MAMDC2: variants seen among roughly 807,000 people sequenced by gnomAD.
MAMDC2 encodes the protein MAM domain containing 2.
Under a neutral mutation model 89.8 loss-of-function variants are expected in MAMDC2, and 57 were observed. That is an observed-to-expected ratio of 0.63 (90% confidence interval 0.51 to 0.79). The LOEUF (loss-of-function observed/expected upper bound fraction) is 0.79, where lower values mean the gene tolerates loss of function less well. MAMDC2 is among the 30% of genes least tolerant of loss of function. MAMDC2 has a pLI of 0.00. For missense variants in MAMDC2, 800 were observed against 820.6 expected, an observed-to-expected ratio of 0.97 and a Z score of 0.31; for synonymous variants, 313 against 293.4, an observed-to-expected ratio of 1.07 and a Z score of -0.68.
At chr9:70,221,380 T>TAG (rs58804811) in intron 12 of MAMDC2, among the ~76,000 whole-genome samples, 595 of 7,060 alleles carry the variant, frequency 0.084, 143 homozygotes, top group African/African-American at 0.24. Context: ...TATATATATA[T>TAG]AGAGAGAGAG....
Position 70,220,685 on chromosome 9 carries a change from T to G in MAMDC2, c.1911+2089T>G, listed in dbSNP as rs186805638. ...TAAGTGGCTGAATGAGAACCAGATCTGCATGGTTCCAAAGTTTGTATCCCT... is the reference window on the plus strand; with the variant it reads ...TAAGTGGCTGAATGAGAACCAGATCGGCATGGTTCCAAAGTTTGTATCCCT... On this transcript the variant is annotated intron_variant, in intron 12 of 13. Transcript: ENST00000377182. Among the ~76,000 whole-genome samples the G allele has an allele frequency of 4.6e-5, 7 of 152,334 alleles. No individual in the cohort carries two copies. In the East Asian group the frequency reaches 1.4e-3, roughly 29 times the overall value.
intron 5 of MAMDC2, among the ~76,000 whole-genome samples, chr9:70,122,945 C>T (rs1364549588): frequency 2.0e-5 from 3 of 152,080 alleles, no homozygotes; most frequent in Admixed American, 1.3e-4. Context: ...TGCTTGGTCA[C>T]TGCCTGGGAG....
rs1204917417 is a variant in MAMDC2, at chr9:70,094,722, C to G, written c.149-13489C>G. Among the ~76,000 whole-genome samples the G allele has an allele frequency of 2.0e-5, 3 of 152,118 alleles. 1 individual carries two copies. In the East Asian group the frequency reaches 5.8e-4, roughly 29 times the overall value. ...TATTTAAAAATATAGAAAGCACATA[C>G]TAGGAGACAGGCAGATATAGTGGGT... On this transcript the variant is annotated intron_variant, in intron 2 of 13. Transcript: ENST00000377182.
intron 2 of MAMDC2, among the ~76,000 whole-genome samples, chr9:70,095,234 G>C (rs997027545): frequency 5.9e-5 from 9 of 152,174 alleles, no homozygotes; most frequent in Admixed American, 4.6e-4. Flanking sequence ...GGACAATGGG[G>C]ACCCCCTTCA....
chr9:70,144,401 A>T (rs1020395972), intron 9 of MAMDC2, among the ~76,000 whole-genome samples: 1 of 152,196 alleles, frequency 6.6e-6, no homozygotes, highest in Admixed American at 6.5e-5. Flanking sequence ...ATAAAAAGAG[A>T]TCTTTATTGC....
chr9:70,075,936 T>C, intron 2 of MAMDC2, among the ~76,000 whole-genome samples: 1 of 152,184 alleles, frequency 6.6e-6, no homozygotes, highest in East Asian at 1.9e-4. Flanking sequence ...AAATATAAGA[T>C]ATGTAACAGT....
chr9:70,175,782 A>C (rs1050503810), intron 11 of MAMDC2: 1 of 152,164 alleles, frequency 6.6e-6, no homozygotes, highest in Non-Finnish European at 1.5e-5. Flanking sequence ...GTCCAAGATC[A>C]AGATGTCGGT....
intron 2 of MAMDC2, among the ~76,000 whole-genome samples, chr9:70,051,994 G>C (rs1826915677): frequency 6.6e-6 from 1 of 151,904 alleles, no homozygotes; most frequent in Non-Finnish European, 1.5e-5. Context: ...AATTAAAACA[G>C]GTAAAAAAAA....
At chr9:70,065,883 G>C (rs527996781) in intron 2 of MAMDC2, among the ~76,000 whole-genome samples, 4 of 152,080 alleles carry the variant, frequency 2.6e-5, no homozygotes, top group Non-Finnish European at 5.9e-5. Context: ...AGAAGTTTTA[G>C]TGGATGCCAA....
At chr9:70,051,924 T>TAGATAGACAGAC (rs955594860) in intron 2 of MAMDC2, among the ~76,000 whole-genome samples, 11 of 151,964 alleles carry the variant, frequency 7.2e-5, no homozygotes, top group African/African-American at 1.9e-4. Context: ...GATAGATAGA[T>TAGATAGACAGAC]AGACAGACAG....
chr9:70,187,510 A>G, intron 11 of MAMDC2, among the ~76,000 whole-genome samples: 1 of 152,128 alleles, frequency 6.6e-6, no homozygotes, highest in East Asian at 1.9e-4. Flanking sequence ...CATTGGTTTT[A>G]AATATACTCA....
At position 70,179,991 on chromosome 9, in the gene MAMDC2, G is replaced by A. The variant is rs1226291642; in HGVS notation, c.1651+9360G>A. The stretch of plus-strand genomic sequence containing the variant: ...TATCATCCCAACATCTAGGTTTTAA[G>A]CCCTGCATGCATTAGATATTTGTCC... On this transcript the variant is annotated intron_variant, in intron 11 of 13. Coordinates refer to ENST00000377182, the MANE Select transcript of MAMDC2 (RefSeq NM_153267.5). Among the ~76,000 whole-genome samples the A allele has an allele frequency of 2.0e-5, 3 of 150,782 alleles. 1 individual carries two copies. The highest frequency in any genetic ancestry group is 7.3e-5 in the African/African-American group (3 of 41,020).
chr9:70,167,507 T>C (rs969279710), intron 9 of MAMDC2, among the ~76,000 whole-genome samples: 2 of 151,740 alleles, frequency 1.3e-5, no homozygotes, highest in Non-Finnish European at 2.9e-5. Flanking sequence ...ACTTCTGTTA[T>C]ATCATCCTTT....
chr9:70,179,671 T>C (rs2032592467), intron 11 of MAMDC2, among the ~76,000 whole-genome samples: 1 of 150,218 alleles, frequency 6.7e-6, no homozygotes, highest in Non-Finnish European at 1.5e-5. Flanking sequence ...AACTCAATAT[T>C]ACATTTCAAA....
At chr9:70,192,989 C>CCTTA (rs1352201949) in intron 11 of MAMDC2, among the ~76,000 whole-genome samples, 6 of 151,926 alleles carry the variant, frequency 3.9e-5, no homozygotes, top group Admixed American at 1.3e-4. Flanking sequence ...GGATGAGGAC[C>CCTTA]CTTACATTGA....
At chr9:70,143,410 G>A (rs2031292064) in intron 8 of MAMDC2, 144 bp from the exon 9 acceptor site, 1 of 871,576 alleles carries the variant, frequency 1.1e-6, no homozygotes, top group East Asian at 2.6e-5. Context: ...TGTCACTTAA[G>A]CCACAGACAT....
intron 2 of MAMDC2, among the ~76,000 whole-genome samples, chr9:70,061,511 C>G (rs1295274521): frequency 1.3e-5 from 2 of 152,192 alleles, no homozygotes; most frequent in Non-Finnish European, 2.9e-5. Flanking sequence ...TCTCTTCCTT[C>G]TCTTCATCCC....
intron 11 of MAMDC2, among the ~76,000 whole-genome samples, chr9:70,182,266 A>C (rs2032660423): frequency 6.6e-6 from 1 of 152,102 alleles, no homozygotes; most frequent in Non-Finnish European, 1.5e-5. Context: ...TCAGTATTTT[A>C]TTGAGGATTT....
chr9:70,165,069 C>T (rs1450010357), intron 9 of MAMDC2, among the ~76,000 whole-genome samples: 1 of 151,838 alleles, frequency 6.6e-6, no homozygotes, highest in African/African-American at 2.4e-5. Context: ...CTTCGAAATA[C>T]TGCCTACAAT....
Sources: allele counts gnomAD v4.1 joint callset (sites outside exome capture counted in the v4.1 genomes callset), GRCh38; gene constraint gnomAD v4.1.1; transcripts MANE v1.5; gene names NCBI Gene and HGNC (gene_info 2026-07-23, HGNC 2026-07-21).